PDPN: variants seen among roughly 807,000 people sequenced by gnomAD.
PDPN encodes the protein PA2.26 antigen.
Under a neutral mutation model 23.2 loss-of-function variants are expected in PDPN, and 12 were observed. The ratio of observed to expected loss-of-function variants is 0.52; its 90% CI spans 0.33 to 0.84. The LOEUF (loss-of-function observed/expected upper bound fraction) is 0.84. Ranked by LOEUF, PDPN falls within the 40% of genes least tolerant of loss-of-function variation. The probability of loss-of-function intolerance (pLI) is 0.02; values close to 1 mark genes in which losing one functional copy is unlikely to be tolerated. For missense variants in PDPN, 199 were observed against 212.2 expected (o/e 0.94, Z 0.39); for synonymous variants, 77 against 76.7 (o/e 1.00, Z -0.02).
intron 1 of PDPN, among the ~76,000 whole-genome samples, chr1:13,605,538 TGAA>T (rs1640761534): frequency 6.6e-6 from 1 of 152,206 alleles, no homozygotes; most frequent in Non-Finnish European, 1.5e-5. Context: ...CAACAGAAGT[TGAA>T]GAAGAGGATA....
intron 3 of PDPN, among the ~76,000 whole-genome samples, 162 bp downstream of exon 3, chr1:13,610,678 T>C (rs558431514): frequency 1.2e-4 from 18 of 152,316 alleles, no homozygotes; most frequent in African/African-American, 3.9e-4. Context: ...CTATTTCAAT[T>C]GATACATTTG....
intron 2 of PDPN, among the ~76,000 whole-genome samples, chr1:13,609,516 A>C (rs905303254): frequency 6.6e-6 from 1 of 152,142 alleles, no homozygotes. Context: ...GTATATTCAC[A>C]TCATTAAACC....
Position 13,584,016 on chromosome 1 carries a change from A to G in PDPN, c.-18A>G. On this transcript the variant is annotated 5_prime_UTR_variant, in exon 1 of 6. Transcript: ENST00000621990. Reference sequence around the variant, plus strand: ...CTTGCTGCTCGGCCCCCAGGAGAGCAACAACTCAACGGGAACGATGTGGAA... The same window carrying G: ...CTTGCTGCTCGGCCCCCAGGAGAGCGACAACTCAACGGGAACGATGTGGAA... The G allele has an allele frequency of 6.2e-7, 1 of 1,613,520 alleles. No homozygotes were observed. Among genetic ancestry groups the G allele is most frequent in the Non-Finnish European group, 8.5e-7 (1 of 1,179,990 alleles).
chr1:13,614,822 G>T (rs531608518), intron 5 of PDPN: 7 of 517,904 alleles, frequency 1.4e-5, no homozygotes, highest in South Asian at 5.6e-5. Context: ...TCTTCAAAAG[G>T]ACTACATCTG....
chr1:13,594,197 C>G (rs1392607331), intron 1 of PDPN, among the ~76,000 whole-genome samples: 3 of 152,228 alleles, frequency 2.0e-5, no homozygotes, highest in African/African-American at 7.2e-5. Flanking sequence ...AGAATGGGGC[C>G]TTACCCTCAA....
At chr1:13,590,101 T>G (rs797005703) in intron 1 of PDPN, among the ~76,000 whole-genome samples, 76 of 152,352 alleles carry the variant, frequency 5.0e-4, no homozygotes, top group African/African-American at 1.8e-3. Context: ...GTGCTGGAAT[T>G]ACAGGCGTAA....
At chr1:13,593,583 C>T (rs1196930893) in intron 1 of PDPN, among the ~76,000 whole-genome samples, 2 of 152,324 alleles carry the variant, frequency 1.3e-5, no homozygotes, top group African/African-American at 2.4e-5. Context: ...ACATTCTGCA[C>T]ATTCCTGCAG....
chr1:13,584,043 G>C lies in PDPN; in HGVS notation c.10G>C (p.Val4Leu), dbSNP rs1640109588. Residue 4 changes from valine (V) to leucine (L), a missense_variant, in exon 1 of 6, where the codon GTG (valine) becomes CTG (leucine). By Grantham distance (32) the Val-to-Leu change is conservative (BLOSUM62 1). Transcript: ENST00000621990. MWK[V>L]SALLFVLGSA... is the part of the protein sequence containing the mutation. ...CAACTCAACGGGAACGATGTGGAAG[G>C]TGTCAGCTCTGCTCTTCGTTTTGGG... 6.2e-7 allele frequency: 1 copy of C among 1,613,262 alleles called. No individual in the cohort carries two copies. The highest frequency in any genetic ancestry group is 1.1e-5 in the South Asian group (1 of 91,086).
intron 2 of PDPN, among the ~76,000 whole-genome samples, chr1:13,607,998 G>A (rs59593742): frequency 0.28 from 42,454 of 151,908 alleles, 6,705 homozygotes; most frequent in Admixed American, 0.4. Context: ...CCAGCTGCTC[G>A]GGAGGCTGAG....
chr1:13,606,009 C>CTT (rs1293075318), intron 1 of PDPN, among the ~76,000 whole-genome samples: 1 of 148,332 alleles, frequency 6.7e-6, no homozygotes, highest in African/African-American at 2.5e-5. Context: ...TAGTTTGGCT[C>CTT]TTTTTTTTTT....
chr1:13,601,174 A>C (rs1257982046), intron 1 of PDPN, among the ~76,000 whole-genome samples: 1 of 152,110 alleles, frequency 6.6e-6, no homozygotes, highest in Non-Finnish European at 1.5e-5. Context: ...CTGGTCACTG[A>C]TTTAACTCAG....
At chr1:13,599,385 T>A (rs1248101356) in intron 1 of PDPN, among the ~76,000 whole-genome samples, 1 of 94,390 alleles carries the variant, frequency 1.1e-5, no homozygotes, top group African/African-American at 4.0e-5. Flanking sequence ...TTTTTTTTTT[T>A]TTTTTTTTTT....
chr1:13,616,132 T>C lies in PDPN; in HGVS notation c.*221T>C. 1.7e-6 allele frequency: 1 copy of C among 583,632 alleles called. No homozygotes were observed. Among genetic ancestry groups the C allele is most frequent in the East Asian group, 2.8e-5 (1 of 35,264 alleles). The allele number at this position is 583,632 out of a possible 1,614,324, so 36.2% of individuals were successfully genotyped here. On this transcript the variant is annotated 3_prime_UTR_variant, in exon 6 of 6. Transcript: ENST00000621990. The stretch of plus-strand genomic sequence containing the variant: ...TTTGCTGTTCAAACATGTTTTTGAA[T>C]ATACATTCTATAAAAGATTATTTGA...
At position 13,598,071 on chromosome 1, in the gene PDPN, C is replaced by T. The variant is rs903166358; in HGVS notation, c.68-9102C>T. ...TCACTCTGTTACTCAGGCTGGAGTG[C>T]GTGGCACTATCTCGGCTCACTGCAA... On this transcript the variant is annotated intron_variant, in intron 1 of 5. Coordinates refer to ENST00000621990, the MANE Select transcript of PDPN (RefSeq NM_006474.5). Among the ~76,000 whole-genome samples, 5 of 151,990 alleles carry T rather than the reference C, an allele frequency of 3.3e-5. No individual in the cohort carries two copies. The East Asian group carries it at 5.9e-4, about 18-fold the overall frequency.
intron 1 of PDPN, among the ~76,000 whole-genome samples, chr1:13,592,773 C>T (rs1007711794): frequency 6.6e-6 from 1 of 151,468 alleles, no homozygotes; most frequent in Admixed American, 6.6e-5. Flanking sequence ...TGGTCTCAAA[C>T]TCCCGACCTC....
At chr1:13,598,554 A>G (rs1197174235) in intron 1 of PDPN, among the ~76,000 whole-genome samples, 3 of 152,068 alleles carry the variant, frequency 2.0e-5, no homozygotes, top group African/African-American at 7.2e-5. Context: ...CTGGGACTCA[A>G]CTGAGGTCAT....
intron 1 of PDPN, among the ~76,000 whole-genome samples, chr1:13,591,002 C>T (rs1159103682): frequency 2.0e-5 from 3 of 151,836 alleles, no homozygotes; most frequent in Admixed American, 1.3e-4. Context: ...AGTGCAATGG[C>T]GCGATCTTGG....
At chr1:13,597,520 AG>A (rs748003513) in intron 1 of PDPN, among the ~76,000 whole-genome samples, 61 of 152,230 alleles carry the variant, frequency 4.0e-4, no homozygotes, top group Non-Finnish European at 6.2e-4. Context: ...CTGCAGAAAT[AG>A]GAGTGGAAGA....
intron 1 of PDPN, chr1:13,585,731 G>T (rs1425685384): frequency 1.9e-6 from 2 of 1,044,236 alleles, no homozygotes; most frequent in East Asian, 4.9e-5. Context: ...GGGGCTGGCT[G>T]AGTGAGGGTG....
Sources: gnomAD v4.1 joint callset for allele counts (sites outside exome capture counted in the v4.1 genomes callset) on GRCh38, gnomAD v4.1.1 for gene constraint, MANE v1.5 for transcripts, NCBI Gene and HGNC (gene_info 2026-07-23, HGNC 2026-07-21) for gene names.